TAOK3: variants seen among roughly 807,000 people sequenced by gnomAD.
The protein encoded by TAOK3 is serine/threonine-protein kinase TAO3.
TAOK3 carries 40 observed loss-of-function variants against 120.4 expected under a neutral mutation model. The ratio of observed to expected loss-of-function variants is 0.33; its 90% CI spans 0.26 to 0.43. The LOEUF is 0.43. Among genes scored for constraint, TAOK3 ranks in the 20% least tolerant of loss-of-function variants. The pLI, the probability that TAOK3 is intolerant of heterozygous loss-of-function variation, is 1.00. For synonymous variants in TAOK3, 355 were observed against 387.5 expected, an observed-to-expected ratio of 0.92 and a Z score of 0.99; for missense variants, 821 against 1,112.1, an observed-to-expected ratio of 0.74 and a Z score of 3.72.
chr12:118,316,888 G>C (rs1216415451), intron 1 of TAOK3, among the ~76,000 whole-genome samples: 1 of 152,044 alleles, frequency 6.6e-6, no homozygotes, highest in East Asian at 1.9e-4. Flanking sequence ...TCTATAATAA[G>C]AGCAAAAAGA....
At position 118,244,878 on chromosome 12, in the gene TAOK3, A is replaced by G. The variant is rs2040421642; in HGVS notation, c.192+16T>C. The G allele has an allele frequency of 1.3e-6, 2 of 1,584,212 alleles. No individual in the cohort carries two copies. The highest frequency in any genetic ancestry group is 1.7e-6 in the Non-Finnish European group (2 of 1,154,472). The stretch of plus-strand genomic sequence containing the variant: ...TTGTTTATTTCAGTTTAGGTATACA[A>G]CTGTCTCTATCTCACCTCATGGGTC... On this transcript the variant is annotated intron_variant, in intron 4 of 20. Coordinates refer to ENST00000392533, the MANE Select transcript of TAOK3 (RefSeq NM_016281.4).
chr12:118,352,151 C>T (rs1593664700), intron 1 of TAOK3, among the ~76,000 whole-genome samples: 1 of 151,920 alleles, frequency 6.6e-6, no homozygotes. Flanking sequence ...GGATTACAGG[C>T]GTGAGCCACC....
At chr12:118,151,492 G>A (rs1475658650) in intron 20 of TAOK3, among the ~76,000 whole-genome samples, 1 of 152,170 alleles carries the variant, frequency 6.6e-6, no homozygotes, top group Non-Finnish European at 1.5e-5. Context: ...TCCTGTGTTA[G>A]GGGATGGCTC....
chr12:118,234,981 T>A lies in TAOK3; in HGVS notation c.551+577A>T, dbSNP rs573029951. Among the ~76,000 whole-genome samples, 113 of 152,352 alleles carry A rather than the reference T, an allele frequency of 7.4e-4. 2 individuals are homozygous for A. In the South Asian group the frequency reaches 0.01, roughly 14 times the overall value. ...GATAGAAAAAAATTCAAAGACTAGC[T>A]GATTTTTTTTAGTAGACAAGTAATT... On this transcript the variant is annotated intron_variant, in intron 8 of 20. Coordinates refer to ENST00000392533, the MANE Select transcript of TAOK3 (RefSeq NM_016281.4).
intron 1 of TAOK3, among the ~76,000 whole-genome samples, chr12:118,299,583 C>T (rs539751996): frequency 6.6e-6 from 1 of 152,274 alleles, no homozygotes; most frequent in Admixed American, 6.5e-5. Context: ...GATCTCGGCT[C>T]ACTGCAACCT....
chr12:118,356,783 A>G (rs1222953503), intron 1 of TAOK3, among the ~76,000 whole-genome samples: 5 of 152,038 alleles, frequency 3.3e-5, no homozygotes, highest in Non-Finnish European at 7.4e-5. Flanking sequence ...TTAGCCAGGC[A>G]TGGTGGCACA....
chr12:118,318,838 C>A (rs2043582552), intron 1 of TAOK3, among the ~76,000 whole-genome samples: 1 of 152,176 alleles, frequency 6.6e-6, no homozygotes, highest in African/African-American at 2.4e-5. Context: ...AAGTGTCCGT[C>A]AGTGGGTGAA....
intron 19 of TAOK3, among the ~76,000 whole-genome samples, chr12:118,155,004 TA>T (rs201450145): frequency 0.037 from 5,425 of 145,582 alleles, 130 homozygotes; most frequent in Non-Finnish European, 0.053. Flanking sequence ...TATATATATA[TA>T]TTTTTTTTTG....
At position 118,255,638 on chromosome 12, in the gene TAOK3, G is replaced by C; in HGVS notation, c.-71C>G. 6.7e-7 allele frequency: 1 copy of C among 1,490,402 alleles called. No homozygotes were observed. The highest frequency in any genetic ancestry group is 2.3e-5 in the East Asian group (1 of 42,644). The allele number at this position is 1,490,402 out of a possible 1,614,324, so 92.3% of individuals were successfully genotyped here. On this transcript the variant is annotated 5_prime_UTR_variant, in exon 3 of 21. Transcript: ENST00000392533. ...ATTTCTCATTGACAATTTTTTTTGGGGGGTAAATCTTCAGTACCTGTAGAA... is the reference window on the plus strand; with the variant it reads ...ATTTCTCATTGACAATTTTTTTTGGCGGGTAAATCTTCAGTACCTGTAGAA...
intron 1 of TAOK3, among the ~76,000 whole-genome samples, chr12:118,349,813 T>C (rs1025566393): frequency 6.6e-6 from 1 of 152,160 alleles, no homozygotes; most frequent in Non-Finnish European, 1.5e-5. Context: ...ATGCCCCAAA[T>C]GACAGCTTCA....
At chr12:118,264,052 G>T (rs554172516) in intron 2 of TAOK3, among the ~76,000 whole-genome samples, 1 of 152,346 alleles carries the variant, frequency 6.6e-6, no homozygotes, top group East Asian at 1.9e-4. Context: ...GGCAACAAGA[G>T]CGAAACTCTG....
intron 2 of TAOK3, among the ~76,000 whole-genome samples, chr12:118,264,289 C>T (rs1287640039): frequency 6.6e-6 from 1 of 152,172 alleles, no homozygotes; most frequent in Non-Finnish European, 1.5e-5. Flanking sequence ...CAAATGTTCA[C>T]AGTAGCTTTA....
intron 9 of TAOK3, among the ~76,000 whole-genome samples, chr12:118,221,735 C>T (rs935245081): frequency 1.3e-4 from 19 of 149,424 alleles, no homozygotes; most frequent in Non-Finnish European, 1.9e-4. Context: ...CACAGGTTCA[C>T]GCCATTCTCT....
intron 1 of TAOK3, among the ~76,000 whole-genome samples, chr12:118,267,972 GA>G (rs1566039024): frequency 1.3e-5 from 2 of 151,686 alleles, no homozygotes; most frequent in African/African-American, 4.8e-5. Flanking sequence ...TTTCTCCATG[GA>G]CGTATTTATT....
intron 17 of TAOK3, among the ~76,000 whole-genome samples, chr12:118,170,551 C>G (rs1434146016): frequency 1.3e-5 from 2 of 152,140 alleles, no homozygotes; most frequent in Non-Finnish European, 2.9e-5. Flanking sequence ...CACTTGAGCT[C>G]AAGAGTTTGA....
At chr12:118,178,948 T>C (rs1434340493) in intron 15 of TAOK3, among the ~76,000 whole-genome samples, 1 of 152,226 alleles carries the variant, frequency 6.6e-6, no homozygotes, top group African/African-American at 2.4e-5. Context: ...GGGGGAATTA[T>C]GCTTCATGGC....
At chr12:118,351,959 C>T (rs539835929) in intron 1 of TAOK3, among the ~76,000 whole-genome samples, 19 of 150,354 alleles carry the variant, frequency 1.3e-4, no homozygotes, top group African/African-American at 2.4e-4. Flanking sequence ...CTCCAAGCTC[C>T]GCCTCCCGGG....
At chr12:118,262,436 C>T (rs1044019702) in intron 2 of TAOK3, among the ~76,000 whole-genome samples, 8 of 151,746 alleles carry the variant, frequency 5.3e-5, no homozygotes, top group South Asian at 2.1e-4. Flanking sequence ...GAGCTGAGAT[C>T]GCACTACTAC....
intron 16 of TAOK3, among the ~76,000 whole-genome samples, chr12:118,176,403 G>C (rs1416003188): frequency 6.6e-6 from 1 of 152,110 alleles, no homozygotes; most frequent in Non-Finnish European, 1.5e-5. Context: ...GACTGTGTAG[G>C]GACTTCTAGG....
Sources: allele counts gnomAD v4.1 joint callset (sites outside exome capture counted in the v4.1 genomes callset), GRCh38; gene constraint gnomAD v4.1.1; transcripts MANE v1.5; gene names NCBI Gene and HGNC (gene_info 2026-07-23, HGNC 2026-07-21).